KMT2B: variants seen among roughly 807,000 people sequenced by gnomAD.
KMT2B encodes the protein histone-lysine N-methyltransferase 2B.
In KMT2B, 22 loss-of-function variants were observed where a neutral mutation model predicts 255.3. The observed-to-expected ratio is 0.09, with a 90% CI of 0.06 to 0.12. The LOEUF (loss-of-function observed/expected upper bound fraction) is 0.12, where lower values mean the gene tolerates loss of function less well. Among genes scored for constraint, KMT2B ranks in the 10% least tolerant of loss-of-function variants. The pLI, the probability that KMT2B is intolerant of heterozygous loss-of-function variation, is 1.00. For synonymous variants in KMT2B, 1,730 were observed against 1,498.1 expected, an observed-to-expected ratio of 1.15 and a Z score of -3.57; for missense variants, 3,149 against 3,737.0, an observed-to-expected ratio of 0.84 and a Z score of 4.10.
In KMT2B at chr19:35,725,515, C is replaced by G. The variant is rs987380813; in HGVS notation, c.3679C>G (p.Pro1227Ala). 6.2e-7 allele frequency: 1 copy of G among 1,611,638 alleles called. No individual in the cohort carries two copies. Among genetic ancestry groups the G allele is most frequent in the Non-Finnish European group, 8.5e-7 (1 of 1,179,892 alleles). The part of the protein sequence containing the change: ...FCQVCCDPFH[P>A]FCLEEAERPL... The stretch of plus-strand genomic sequence containing the variant: ...TCAAGTCTGCTGTGACCCATTCCAC[C>G]CATTCTGCCTGGAGGAGGCCGAGCG... The change falls in exon 12 of 37, where the codon CCA becomes GCA. Residue 1227 changes from proline (P) to alanine (A), a missense_variant. Pro to Ala is a conservative substitution (Grantham distance 27, BLOSUM62 -1). Around this residue, in one of 18 missense-constraint regions of KMT2B, gnomAD observed 42 missense variants for 121.0 expected, o/e 0.35. Transcript: ENST00000420124. The surrounding 1 kb of genome is among the most constrained non-coding windows in gnomAD (Gnocchi z 4.1).
intron 26 of KMT2B, among the ~76,000 whole-genome samples, chr19:35,731,127 T>A (rs1390402969): frequency 6.6e-6 from 1 of 151,884 alleles, no homozygotes; most frequent in African/African-American, 2.4e-5. Flanking sequence ...GGGAGTAGAG[T>A]GCTTACAGCT....
Position 35,723,964 on chromosome 19 carries a change from C to T in KMT2B, c.3291C>T (p.Pro1097=), listed in dbSNP as rs34014681. The change falls in exon 8 of 37, where the codon CCC becomes CCT. Residue 1097 remains proline, a synonymous_variant. Transcript: ENST00000420124. The surrounding 1 kb of genome is among the most constrained non-coding windows in gnomAD (Gnocchi z 7.5). The part of the protein sequence containing the change: ...DIFEDSDDSE[P]GGPPAPRRRT... ...TCGAGGATTCGGATGACTCGGAGCCCGGGGGCCCCCCTGCTCCTCGGCGTC... is the reference window on the plus strand; with the variant it reads ...TCGAGGATTCGGATGACTCGGAGCCTGGGGGCCCCCCTGCTCCTCGGCGTC... 10,415 of 1,609,398 alleles carry T rather than the reference C, an allele frequency of 6.5e-3. 392 individuals carry two copies. The African/African-American group carries it at 0.088, about 14-fold the overall frequency.
In KMT2B at chr19:35,730,329, C is replaced by T. The variant is rs552100579; in HGVS notation, c.5077-13C>T. 6.2e-7 allele frequency: 1 copy of T among 1,609,576 alleles called. No homozygotes were observed. The highest frequency in any genetic ancestry group is 1.7e-5 in the Admixed American group (1 of 59,994). ...CCAATGCAGCCACCTCACTTTGCCA[C>T]CCCCTCTTCCAGGAAATTGTGAACC... On this transcript the variant is annotated splice_polypyrimidine_tract_variant and intron_variant, in intron 23 of 36. Transcript: ENST00000420124.
rs758388100 is a variant in KMT2B at position 35,732,647 on chromosome 19, G to T, written c.6098G>T (p.Arg2033Leu). ...GAGGAGGAGTCCAGCCCCACCTCCCGCTACATCCACTTCCCTGTGACTGTG... is the reference window on the plus strand; with the variant it reads ...GAGGAGGAGTCCAGCCCCACCTCCCTCTACATCCACTTCCCTGTGACTGTG... ...SSEEESSPTS[R>L]YIHFPVTVVS... Residue 2033 changes from arginine (R) to leucine (L), a missense_variant, in exon 28 of 37, where the codon CGC becomes CTC. Physicochemically the swap from Arg to Leu is moderately radical, Grantham distance 102. Coordinates refer to ENST00000420124, the MANE Select transcript of KMT2B (RefSeq NM_014727.3). The T allele has an allele frequency of 1.2e-6, 2 of 1,610,274 alleles. No individual in the cohort carries two copies. The highest frequency in any genetic ancestry group is 2.2e-5 in the South Asian group (2 of 90,586).
chr19:35,722,622 G>C lies in KMT2B; in HGVS notation c.2626G>C (p.Ala876Pro). The C allele has an allele frequency of 6.2e-7, 1 of 1,612,520 alleles. No individual in the cohort carries two copies. Among genetic ancestry groups the C allele is most frequent in the African/African-American group, 1.3e-5 (1 of 75,060 alleles). ...PRIKHVCRHA[A>P]VALGQARAMV... ...CATCAAACATGTCTGCCGTCATGCT[G>C]CTGTGGCCCTGGGTCAGGCCCGGGC... Residue 876 changes from alanine (A) to proline (P), a missense_variant, in exon 5 of 37, where the codon GCT becomes CCT. Ala to Pro is a conservative substitution (Grantham distance 27). Coordinates refer to ENST00000420124, the MANE Select transcript of KMT2B (RefSeq NM_014727.3).
At position 35,725,134 on chromosome 19, in the gene KMT2B, C is replaced by T. The variant is rs749721637; in HGVS notation, c.3528+47C>T. ...GTCACAGAGCCTCTGGTTGGAAGAA[C>T]CTCGATGACTGTGTCATCGAGAAGC... On this transcript the variant is annotated intron_variant, in intron 10 of 36. Coordinates refer to ENST00000420124, the MANE Select transcript of KMT2B (RefSeq NM_014727.3). The surrounding 1 kb of genome is among the most constrained non-coding windows in gnomAD (Gnocchi z 4.1). 5 of 1,579,874 alleles carry T rather than the reference C, an allele frequency of 3.2e-6. No homozygotes were observed. The East Asian group carries it at 9.0e-5, about 28-fold the overall frequency.
In KMT2B at chr19:35,723,651, C is replaced by T. The variant is rs1599676823; in HGVS notation, c.3059-81C>T. 8 of 1,349,356 alleles carry T rather than the reference C, an allele frequency of 5.9e-6. No homozygotes were observed. In the East Asian group the frequency reaches 7.3e-5, roughly 12 times the overall value. The allele number at this position is 1,349,356 out of a possible 1,614,324, so 83.6% of individuals were successfully genotyped here. A position where few individuals can be genotyped will look rare whatever the true frequency, so the allele number is the denominator to read the frequency against. ...TCATAGCTCCTGCGTTCATTCCCTG[C>T]CCCGCTTCTTTCTGGCTTCTCTCCC... On this transcript the variant is annotated intron_variant, in intron 7 of 36. Transcript: ENST00000420124. The surrounding 1 kb of genome is among the most constrained non-coding windows in gnomAD (Gnocchi z 7.5).
chr19:35,723,924 C>T lies in KMT2B; in HGVS notation c.3251C>T (p.Pro1084Leu), dbSNP rs2146446467. 1.9e-6 allele frequency: 3 copies of T among 1,612,402 alleles called. No individual in the cohort carries two copies. The highest frequency in any genetic ancestry group is 1.3e-5 in the African/African-American group (1 of 75,050). ...KSARRCVKQR[P>L]SYDIFEDSDD... ...GCTCGGCGCTGCGTCAAACAGCGAC[C>T]CTCCTATGATATCTTCGAGGATTCG... The change falls in exon 8 of 37, where the codon CCC becomes CTC. Residue 1084 changes from proline to leucine, a missense_variant. Pro to Leu is a moderately conservative substitution (Grantham distance 98). Around this residue, in one of 18 missense-constraint regions of KMT2B, gnomAD observed 136 missense variants for 137.3 expected, o/e 0.99. Coordinates refer to ENST00000420124, the MANE Select transcript of KMT2B (RefSeq NM_014727.3). This position sits in a 1 kb window ranked among gnomAD's most constrained non-coding sequence, Gnocchi z 7.5.
At chr19:35,726,143 C>T (rs1969431888) in intron 13 of KMT2B, 93 bp from the exon 14 acceptor site, 6 of 919,042 alleles carry the variant, frequency 6.5e-6, no homozygotes, top group Admixed American at 2.0e-5. Flanking sequence ...TTGCCTGCTT[C>T]CTGCATATCC....
Position 35,724,623 on chromosome 19 carries a change from T to C in KMT2B, c.3335-14T>C. 5 of 1,580,122 alleles carry C rather than the reference T, an allele frequency of 3.2e-6. 1 individual carries two copies. In the South Asian group the frequency reaches 5.8e-5, roughly 18 times the overall value. On this transcript the variant is annotated splice_polypyrimidine_tract_variant and intron_variant, in intron 8 of 36. Transcript: ENST00000420124. ...GAAGGGGAGTGACCTCACTGCTCAT[T>C]GTGTCCTGCCTAGAGCTGCCACTGC...
chr19:35,726,852 C>T (rs757519661), intron 14 of KMT2B, among the ~76,000 whole-genome samples: 3 of 151,980 alleles, frequency 2.0e-5, no homozygotes, highest in African/African-American at 4.8e-5. Context: ...GGCATGATGG[C>T]GGGCACCTGT....
chr19:35,733,446 G>C lies in KMT2B; in HGVS notation c.6897G>C (p.Arg2299=), dbSNP rs961361316. Residue 2299 remains arginine (R), a synonymous_variant, in exon 28 of 37, where the codon CGG becomes CGC. Coordinates refer to ENST00000420124, the MANE Select transcript of KMT2B (RefSeq NM_014727.3). The surrounding 1 kb of genome is among the most constrained non-coding windows in gnomAD (Gnocchi z 4.3). ...PPAPPPYKAP[R]LDEDGEASED... ...CACCTCCCCCATACAAAGCCCCCCG[G>C]CTGGATGAAGATGGAGAGGCCTCAG... 1 of 1,559,422 alleles carries C rather than the reference G, an allele frequency of 6.4e-7. No homozygotes were observed. The highest frequency in any genetic ancestry group is 8.7e-7 in the Non-Finnish European group (1 of 1,152,006).
In KMT2B at chr19:35,737,370, T is replaced by A; in HGVS notation, c.7550+107T>A. The A allele has an allele frequency of 8.5e-7, 1 of 1,176,302 alleles. No homozygotes were observed. The highest frequency in any genetic ancestry group is 1.2e-6 in the Non-Finnish European group (1 of 864,222). 72.9% of individuals were successfully genotyped at this position (1,176,302 alleles called of 1,614,324 possible). A position where few individuals can be genotyped will look rare whatever the true frequency, so the allele number is the denominator to read the frequency against. On this transcript the variant is annotated intron_variant, in intron 33 of 36. Coordinates refer to ENST00000420124, the MANE Select transcript of KMT2B (RefSeq NM_014727.3). This position sits in a 1 kb window ranked among gnomAD's most constrained non-coding sequence, Gnocchi z 5.3. The stretch of plus-strand genomic sequence containing the variant: ...AAACTGAGGCCTGGGGAGGAGACAC[T>A]AGGTCACTTGAAGAGTTATTTCTAG...
rs1457562012 is a variant in KMT2B, at chr19:35,737,006, G to A, written c.7372+20G>A. ...TTAGTGGTAAGGAGTGGGCCCCACAGGGGGCAGGGAGCTGGATGTCTCCCC... is the reference window on the plus strand; with the variant it reads ...TTAGTGGTAAGGAGTGGGCCCCACAAGGGGCAGGGAGCTGGATGTCTCCCC... On this transcript the variant is annotated intron_variant, in intron 32 of 36. Transcript: ENST00000420124. This position sits in a 1 kb window ranked among gnomAD's most constrained non-coding sequence, Gnocchi z 5.3. The A allele has an allele frequency of 1.2e-6, 2 of 1,612,060 alleles. No individual in the cohort carries two copies. Among genetic ancestry groups the A allele is most frequent in the Non-Finnish European group, 1.7e-6 (2 of 1,179,010 alleles).
Position 35,718,344 on chromosome 19 carries a change from C to CGGA in KMT2B, c.334_336dup (p.Glu112dup). On this transcript the variant is annotated inframe_insertion, in exon 1 of 37. Coordinates refer to ENST00000420124, the MANE Select transcript of KMT2B (RefSeq NM_014727.3). This position sits in a 1 kb window ranked among gnomAD's most constrained non-coding sequence, Gnocchi z 5.0. ...TGGGGCCCGAGTCGAGGCTGCGTGCCGGAGGAGGAGAGCAGTGACGGGGAA... is the reference window on the plus strand; with the variant it reads ...TGGGGCCCGAGTCGAGGCTGCGTGCCGGAGGAGGAGGAGAGCAGTGACGGGGAA... 1 of 1,260,950 alleles carries CGGA rather than the reference C, an allele frequency of 7.9e-7. No individual in the cohort carries two copies. The highest frequency in any genetic ancestry group is 1.0e-6 in the Non-Finnish European group (1 of 996,248). 78.1% of individuals were successfully genotyped at this position (1,260,950 alleles called of 1,614,324 possible).
rs768047932 is a variant in KMT2B at position 35,723,965 on chromosome 19, G to T, written c.3292G>T (p.Gly1098Trp). Residue 1098 changes from glycine (G) to tryptophan (W), a missense_variant, in exon 8 of 37, where the codon GGG (glycine) becomes TGG (tryptophan). Gly to Trp is a radical substitution (Grantham distance 184). Around this residue, in one of 18 missense-constraint regions of KMT2B, gnomAD observed 136 missense variants for 137.3 expected, o/e 0.99. Coordinates refer to ENST00000420124, the MANE Select transcript of KMT2B (RefSeq NM_014727.3). The surrounding 1 kb of genome is among the most constrained non-coding windows in gnomAD (Gnocchi z 7.5). ...IFEDSDDSEP[G>W]GPPAPRRRTP... The stretch of plus-strand genomic sequence containing the variant: ...CGAGGATTCGGATGACTCGGAGCCC[G>T]GGGGCCCCCCTGCTCCTCGGCGTCG... 1 of 1,604,940 alleles carries T rather than the reference G, an allele frequency of 6.2e-7. No homozygotes were observed. The highest frequency in any genetic ancestry group is 2.2e-5 in the East Asian group (1 of 44,682).
rs1178299785 is a variant in KMT2B at position 35,733,998 on chromosome 19, G to A, written c.7159+126G>A. 7.6e-6 allele frequency: 5 copies of A among 659,894 alleles called. No homozygotes were observed. Among genetic ancestry groups the A allele is most frequent in the Middle Eastern group, 4.2e-4 (1 of 2,384 alleles). The allele number at this position is 659,894 out of a possible 1,614,324, so 40.9% of individuals were successfully genotyped here. On this transcript the variant is annotated intron_variant, in intron 30 of 36. Coordinates refer to ENST00000420124, the MANE Select transcript of KMT2B (RefSeq NM_014727.3). This position sits in a 1 kb window ranked among gnomAD's most constrained non-coding sequence, Gnocchi z 4.3. ...CCAGGGGCCAAGCCTGAGGCTCGGT[G>A]CTAGAGTTAGAGATGACCTTGGGGA...
At position 35,719,859 on chromosome 19, in the gene KMT2B, C is replaced by T; in HGVS notation, c.512C>T (p.Pro171Leu). 1 of 1,613,306 alleles carries T rather than the reference C, an allele frequency of 6.2e-7. No homozygotes were observed. The highest frequency in any genetic ancestry group is 8.5e-7 in the Non-Finnish European group (1 of 1,179,836). ...LPPPRLADVA[P>L]TPPKTPARKR... ...CCTCCTCGCCTAGCAGATGTGGCTC[C>T]TACCCCCCCAAAGACCCCTGCCCGG... Residue 171 changes from proline to leucine, a missense_variant, in exon 3 of 37, where the codon CCT becomes CTT. Physicochemically the swap from Pro to Leu is moderately conservative, Grantham distance 98. Transcript: ENST00000420124.
At position 35,738,548 on chromosome 19, in the gene KMT2B, C is replaced by T. The variant is rs777142408; in HGVS notation, c.8139C>T (p.Phe2713=). The stretch of plus-strand genomic sequence containing the variant: ...GTGGCGCCAAGCGCTGCCGTCGGTT[C>T]CTTAACTGAGGCCGTGGCTGCCCAC... ...CNCGAKRCRR[F]LN is the part of the protein sequence containing the mutation. Residue 2713 remains phenylalanine (F), a synonymous_variant, in exon 37 of 37, where the codon TTC becomes TTT. Coordinates refer to ENST00000420124, the MANE Select transcript of KMT2B (RefSeq NM_014727.3). The surrounding 1 kb of genome is among the most constrained non-coding windows in gnomAD (Gnocchi z 8.7). 6 of 1,611,720 alleles carry T rather than the reference C, an allele frequency of 3.7e-6. No individual in the cohort carries two copies. Among genetic ancestry groups the T allele is most frequent in the Middle Eastern group, 1.6e-4 (1 of 6,078 alleles).
Sources: gnomAD v4.1 joint callset for allele counts (sites outside exome capture counted in the v4.1 genomes callset) on GRCh38, gnomAD v4.1.1 for gene constraint, gnomAD v4.1.1 regional missense constraint, Gnocchi (gnomAD v3.1) non-coding constraint, MANE v1.5 for transcripts, NCBI Gene and HGNC (gene_info 2026-07-23, HGNC 2026-07-21) for gene names.